ANKRD44: variants seen among roughly 807,000 people sequenced by gnomAD.
ANKRD44 encodes the protein serine/threonine-protein phosphatase 6 regulatory ankyrin repeat subunit B.
A neutral mutation model predicts 116.0 loss-of-function variants in ANKRD44; 35 were observed. The ratio of observed to expected loss-of-function variants is 0.30; its 90% CI spans 0.23 to 0.40. ANKRD44 has a LOEUF of 0.40. Among genes scored for constraint, ANKRD44 ranks in the 10% least tolerant of loss-of-function variants. ANKRD44 has a pLI of 1.00. For synonymous variants in ANKRD44, 435 were observed against 461.8 expected (o/e 0.94, Z 0.74); for missense variants, 1,014 against 1,242.6 (o/e 0.82, Z 2.77).
intron 21 of ANKRD44, among the ~76,000 whole-genome samples, chr2:196,971,055 C>T (rs2075711937): frequency 6.6e-6 from 1 of 150,916 alleles, no homozygotes; most frequent in South Asian, 2.1e-4. Flanking sequence ...TAGGCATATT[C>T]AATGTTTGCA....
intron 6 of ANKRD44, 120 bp downstream of exon 6, chr2:197,125,261 A>G: frequency 3.3e-6 from 3 of 913,862 alleles, no homozygotes; most frequent in Non-Finnish European, 5.2e-6. Context: ...ATCTTCATTC[A>G]ATTGCAACCC....
intron 16 of ANKRD44, among the ~76,000 whole-genome samples, chr2:197,044,659 T>A (rs2076969964): frequency 6.6e-6 from 1 of 152,164 alleles, no homozygotes; most frequent in South Asian, 2.1e-4. Flanking sequence ...GCACCCAGAC[T>A]ATGATGGTCA....
At chr2:197,141,226 C>T (rs999032057) in intron 3 of ANKRD44, among the ~76,000 whole-genome samples, 1 of 152,098 alleles carries the variant, frequency 6.6e-6, no homozygotes, top group Non-Finnish European at 1.5e-5. Context: ...CAAATACATA[C>T]ATACATACAT....
intron 3 of ANKRD44, among the ~76,000 whole-genome samples, chr2:197,144,666 G>C (rs1391323209): frequency 6.6e-6 from 1 of 152,122 alleles, no homozygotes; most frequent in Non-Finnish European, 1.5e-5. Context: ...GAGATTAAGA[G>C]CTCAGAAATT....
chr2:197,112,248 G>C (rs537927085), intron 8 of ANKRD44, among the ~76,000 whole-genome samples: 1 of 152,048 alleles, frequency 6.6e-6, no homozygotes, highest in Admixed American at 6.6e-5. Flanking sequence ...ATTAAAATAC[G>C]AGGTTTTAAA....
At chr2:197,033,622 C>T (rs771673617) in intron 16 of ANKRD44, among the ~76,000 whole-genome samples, 3 of 150,732 alleles carry the variant, frequency 2.0e-5, no homozygotes, top group Non-Finnish European at 4.4e-5. Flanking sequence ...ACAAACAGCA[C>T]AGGGATGGGG....
chr2:197,029,589 G>C, intron 16 of ANKRD44: 1 of 443,642 alleles, frequency 2.3e-6, no homozygotes, highest in Non-Finnish European at 4.4e-6. Flanking sequence ...AAACTGTTCA[G>C]TTTTCTTACA....
intron 9 of ANKRD44, among the ~76,000 whole-genome samples, chr2:197,100,789 T>C (rs1253614094): frequency 6.6e-6 from 1 of 152,200 alleles, no homozygotes; most frequent in Non-Finnish European, 1.5e-5. Context: ...ATGACAATAA[T>C]CATCCATACT....
chr2:197,191,999 A>G (rs1036707573), intron 1 of ANKRD44, among the ~76,000 whole-genome samples: 5 of 152,192 alleles, frequency 3.3e-5, no homozygotes, highest in Non-Finnish European at 7.4e-5. Flanking sequence ...CACACCCTCC[A>G]TTTAAGAATG....
At chr2:197,063,784 C>T (rs1199223851) in intron 16 of ANKRD44, among the ~76,000 whole-genome samples, 1 of 152,118 alleles carries the variant, frequency 6.6e-6, no homozygotes, top group Non-Finnish European at 1.5e-5. Context: ...ACAAAGCCTC[C>T]AAGAAATATG....
intron 2 of ANKRD44, among the ~76,000 whole-genome samples, chr2:197,154,179 T>A (rs1426768203): frequency 1.4e-5 from 2 of 142,596 alleles, no homozygotes; most frequent in African/African-American, 5.3e-5. Context: ...GCTTTCTTTT[T>A]TTTTTTTTTT....
downstream of ANKRD44, among the ~76,000 whole-genome samples, chr2:196,985,416 A>G (rs373143505): frequency 1.0e-3 from 156 of 152,330 alleles, 3 homozygotes; most frequent in African/African-American, 3.4e-3. Context: ...GGAAGCACTC[A>G]CTTGTGGTGT....
At chr2:197,197,385 C>G (rs1038095753) in intron 1 of ANKRD44, among the ~76,000 whole-genome samples, 6 of 152,152 alleles carry the variant, frequency 3.9e-5, no homozygotes, top group Non-Finnish European at 5.9e-5. Context: ...TCCTTTATTT[C>G]TTTACACACT....
In ANKRD44 at chr2:196,989,542, ACG is replaced by A; in HGVS notation, c.*47_*48del. ...CACACACATATATATATATATACAC[ACG>A]CACACATATATGTGTGCATGTGTAT... On this transcript the variant is annotated 3_prime_UTR_variant, in exon 28 of 28. Coordinates refer to ENST00000282272, the MANE Select transcript of ANKRD44 (RefSeq NM_001195144.2). The A allele has an allele frequency of 6.5e-7, 1 of 1,543,380 alleles. No individual in the cohort carries two copies. Among genetic ancestry groups the A allele is most frequent in the South Asian group, 1.2e-5 (1 of 83,644 alleles).
chr2:197,287,949 G>A (rs1033055391), intron 1 of ANKRD44, among the ~76,000 whole-genome samples: 1 of 147,192 alleles, frequency 6.8e-6, no homozygotes, highest in African/African-American at 2.5e-5. Context: ...GAACCCGGGA[G>A]GCAGAGGTTG....
At chr2:197,234,032 T>C (rs2081925185) in intron 1 of ANKRD44, among the ~76,000 whole-genome samples, 1 of 151,870 alleles carries the variant, frequency 6.6e-6, no homozygotes, top group Non-Finnish European at 1.5e-5. Context: ...AACAAAAAAC[T>C]TAAATAAATT....
At chr2:197,122,188 G>C (rs2078873056) in intron 7 of ANKRD44, among the ~76,000 whole-genome samples, 1 of 152,076 alleles carries the variant, frequency 6.6e-6, no homozygotes, top group Non-Finnish European at 1.5e-5. Flanking sequence ...CTTTCTTGGG[G>C]GACAGGATGT....
chr2:197,146,275 G>C (rs985596835), intron 3 of ANKRD44, among the ~76,000 whole-genome samples: 9 of 152,124 alleles, frequency 5.9e-5, no homozygotes, highest in African/African-American at 1.4e-4. Context: ...CTTCCCTGAA[G>C]ACATTTTTTA....
At chr2:197,155,886 C>T (rs573142118) in intron 2 of ANKRD44, among the ~76,000 whole-genome samples, 1 of 152,220 alleles carries the variant, frequency 6.6e-6, no homozygotes, top group East Asian at 1.9e-4. Flanking sequence ...AAGCCACAGA[C>T]TGGGGGAACA....
Sources: allele counts gnomAD v4.1 joint callset (sites outside exome capture counted in the v4.1 genomes callset), GRCh38; gene constraint gnomAD v4.1.1; transcripts MANE v1.5; gene names NCBI Gene and HGNC (gene_info 2026-07-23, HGNC 2026-07-21).